Variants in ZFR observed in about 807,000 individuals in gnomAD.
The protein encoded by ZFR is zinc finger RNA-binding protein.
Under a neutral mutation model 130.7 loss-of-function variants are expected in ZFR, and 19 were observed. The ratio of observed to expected loss-of-function variants is 0.15; its 90% CI spans 0.10 to 0.21. The LOEUF (loss-of-function observed/expected upper bound fraction) is 0.21, where lower values mean the gene tolerates loss of function less well. ZFR is among the 10% of genes least tolerant of loss of function. ZFR has a pLI of 1.00. For missense variants in ZFR, 872 were observed against 1,321.5 expected (o/e 0.66, Z 5.27); for synonymous variants, 466 against 456.9 (o/e 1.02, Z -0.25).
rs187662355 is a variant in ZFR, at chr5:32,388,107, T to C, written c.2348+362A>G. Among the ~76,000 whole-genome samples, 63 of 152,318 alleles carry C rather than the reference T, an allele frequency of 4.1e-4. No individual in the cohort carries two copies. In the Middle Eastern group the frequency reaches 0.014, roughly 33 times the overall value. On this transcript the variant is annotated intron_variant, in intron 13 of 19. Coordinates refer to ENST00000265069, the MANE Select transcript of ZFR (RefSeq NM_016107.5). ...TAATCATGCTTTACAGTCAGTGCTT[T>C]AAGGAAATAGTTATTAAAACAAAGA...
chr5:32,356,859 T>G (rs1319653247), intron 19 of ZFR, among the ~76,000 whole-genome samples: 1 of 152,216 alleles, frequency 6.6e-6, no homozygotes, highest in Non-Finnish European at 1.5e-5. Context: ...TACTAACAAA[T>G]GAAGCTCCCC....
chr5:32,444,375 C>A (rs1313018675), intron 1 of ZFR, 47 bp from the exon 2 acceptor site: 1 of 1,518,838 alleles, frequency 6.6e-7, no homozygotes, highest in East Asian at 2.6e-5. Flanking sequence ...ACAAGAGACA[C>A]AGAGGAGCCG....
At chr5:32,411,228 C>T (rs768086703) in intron 5 of ZFR, among the ~76,000 whole-genome samples, 7 of 152,022 alleles carry the variant, frequency 4.6e-5, no homozygotes, top group Admixed American at 2.6e-4. Flanking sequence ...TGTTCAAAGA[C>T]GAATGAGAAT....
intron 2 of ZFR, among the ~76,000 whole-genome samples, chr5:32,443,492 T>C (rs1754517411): frequency 6.6e-6 from 1 of 152,260 alleles, no homozygotes; most frequent in Admixed American, 6.5e-5. Context: ...CAAACAAGGC[T>C]GGGCACTCAT....
intron 17 of ZFR, among the ~76,000 whole-genome samples, chr5:32,367,533 C>T (rs1752574800): frequency 6.6e-6 from 1 of 152,136 alleles, no homozygotes; most frequent in Non-Finnish European, 1.5e-5. Context: ...TGATTGACCT[C>T]AGCCTCCTGA....
chr5:32,432,563 C>A (rs72735353), intron 2 of ZFR, among the ~76,000 whole-genome samples: 7 of 152,156 alleles, frequency 4.6e-5, no homozygotes, highest in Non-Finnish European at 8.8e-5. Context: ...CTCCTGAGGT[C>A]AAGTAATCCT....
chr5:32,366,593 A>G (rs758761408), intron 17 of ZFR, among the ~76,000 whole-genome samples: 42 of 152,254 alleles, frequency 2.8e-4, no homozygotes, highest in South Asian at 2.1e-4. Context: ...CAATTAAAAC[A>G]TATTAATTTT....
chr5:32,431,768 G>GAA (rs35866437), intron 2 of ZFR, among the ~76,000 whole-genome samples: 12 of 123,782 alleles, frequency 9.7e-5, no homozygotes, highest in African/African-American at 2.4e-4. Flanking sequence ...ATATAACATT[G>GAA]AAAAAAAAAA....
At chr5:32,433,252 A>G (rs1481683705) in intron 2 of ZFR, among the ~76,000 whole-genome samples, 1 of 152,236 alleles carries the variant, frequency 6.6e-6, no homozygotes, top group African/African-American at 2.4e-5. Context: ...CATTTAACAA[A>G]TAATTTCCAT....
intron 12 of ZFR, 29 bp downstream of exon 12, chr5:32,390,245 AC>A: frequency 6.3e-7 from 1 of 1,592,968 alleles, no homozygotes; most frequent in Non-Finnish European, 8.6e-7. Flanking sequence ...TCAAACTTTC[AC>A]CCCTTGTATC....
intron 6 of ZFR, 171 bp downstream of exon 6, chr5:32,406,603 G>T: frequency 1.1e-6 from 1 of 885,100 alleles, no homozygotes; most frequent in Non-Finnish European, 1.5e-6. Context: ...CATCTTTACA[G>T]TTTTTTTTTC....
At chr5:32,409,973 A>G (rs1475549018) in intron 5 of ZFR, among the ~76,000 whole-genome samples, 1 of 151,920 alleles carries the variant, frequency 6.6e-6, no homozygotes, top group Non-Finnish European at 1.5e-5. Context: ...ACCCTGTTTC[A>G]AAGAAAAAGA....
rs147777953 is a variant in ZFR, at chr5:32,383,677, T to C, written c.2641+1831A>G. 6.7e-6 allele frequency: 3 copies of C among 444,460 alleles called. No individual in the cohort carries two copies. In the East Asian group the frequency reaches 2.1e-4, roughly 31 times the overall value. 27.5% of individuals were successfully genotyped at this position (444,460 alleles called of 1,614,324 possible). ...CCGGCAAAGCCTTCCTTAACCCCTG[T>C]ACTAACTCCCCAAAGCAAGCTATAG... On this transcript the variant is annotated intron_variant, in intron 15 of 19. Coordinates refer to ENST00000265069, the MANE Select transcript of ZFR (RefSeq NM_016107.5).
chr5:32,437,701 AT>A lies in ZFR; in HGVS notation c.137+6527del, dbSNP rs528669648. Among the ~76,000 whole-genome samples the A allele has an allele frequency of 8.7e-3, 1,303 of 150,274 alleles. 18 individuals carry two copies. The highest frequency in any genetic ancestry group is 0.029 in the African/African-American group (1,203 of 41,052). ...ATGTCTCTGAGTAAAAATGTAGCTG[AT>A]TTTTTTTTTAACAAATACATCTATT... On this transcript the variant is annotated intron_variant, in intron 2 of 19. Transcript: ENST00000265069.
In ZFR at chr5:32,438,257, T is replaced by C. The variant is rs1754386580; in HGVS notation, c.137+5972A>G. Among the ~76,000 whole-genome samples the C allele has an allele frequency of 5.4e-5, 2 of 37,064 alleles. 1 individual carries two copies. The highest frequency in any genetic ancestry group is 1.4e-4 in the African/African-American group (2 of 14,092). The allele number at this position is 37,064 out of a possible 152,430, so 24.3% of individuals were successfully genotyped here. A position where few individuals can be genotyped will look rare whatever the true frequency, so the allele number is the denominator to read the frequency against. On this transcript the variant is annotated intron_variant, in intron 2 of 19. Coordinates refer to ENST00000265069, the MANE Select transcript of ZFR (RefSeq NM_016107.5). ...TGCTACTGATTTTATCTGAAAATTT[T>C]TTTTTTTTTTTTTTTTTTTTTTTGA...
intron 5 of ZFR, among the ~76,000 whole-genome samples, chr5:32,407,587 C>T (rs908253359): frequency 1.1e-4 from 16 of 152,062 alleles, no homozygotes; most frequent in African/African-American, 3.9e-4. Flanking sequence ...CTGACAGATG[C>T]TAGTCTGGGG....
At chr5:32,438,251 AAAT>A (rs1186502292) in intron 2 of ZFR, among the ~76,000 whole-genome samples, 12,028 of 34,004 alleles carry the variant, frequency 0.35, 1,976 homozygotes, top group African/African-American at 0.43. Flanking sequence ...TTTTATCTGA[AAAT>A]TTTTTTTTTT....
At chr5:32,395,357 T>C in intron 10 of ZFR, 53 bp from the exon 11 acceptor site, 1 of 1,342,800 alleles carries the variant, frequency 7.4e-7, no homozygotes, top group Non-Finnish European at 9.8e-7. Context: ...ACAATCTACA[T>C]GTATTTTTAA....
At chr5:32,404,220 G>A in intron 6 of ZFR, 123 bp from the exon 7 acceptor site, 1 of 758,848 alleles carries the variant, frequency 1.3e-6, no homozygotes, top group East Asian at 2.6e-5. Context: ...TTTTTAAGTT[G>A]AAAAAGGGCA....
Sources: allele counts gnomAD v4.1 joint callset (sites outside exome capture counted in the v4.1 genomes callset), GRCh38; gene constraint gnomAD v4.1.1; transcripts MANE v1.5; gene names NCBI Gene and HGNC (gene_info 2026-07-23, HGNC 2026-07-21).